The following FSTL5 variants were observed in gnomAD, a reference collection of about 807,000 sequenced individuals.
FSTL5 encodes the protein follistatin-related protein 5.
A neutral mutation model predicts 89.1 loss-of-function variants in FSTL5; 62 were observed. That is an observed-to-expected ratio of 0.70 (90% CI 0.57 to 0.86). The LOEUF (loss-of-function observed/expected upper bound fraction) is 0.86. Ranked by LOEUF, FSTL5 falls within the 40% of genes least tolerant of loss-of-function variation. The pLI, the probability that FSTL5 is intolerant of heterozygous loss-of-function variation, is 0.00. For missense variants in FSTL5, 1,057 were observed against 1,001.6 expected (o/e 1.06, Z -0.75); for synonymous variants, 383 against 346.2 (o/e 1.11, Z -1.18).
chr4:161,878,437 T>C (rs1477614783), intron 4 of FSTL5, among the ~76,000 whole-genome samples: 1 of 152,156 alleles, frequency 6.6e-6, no homozygotes, highest in Non-Finnish European at 1.5e-5. Context: ...ATTTCATCAA[T>C]TCTTTATTTG....
intron 6 of FSTL5, among the ~76,000 whole-genome samples, chr4:161,698,820 T>C (rs1310149895): frequency 6.6e-6 from 1 of 152,030 alleles, no homozygotes; most frequent in African/African-American, 2.4e-5. Flanking sequence ...CCTGGTGGTA[T>C]GTGCCTGTAA....
chr4:161,848,036 C>CAAA lies in FSTL5; in HGVS notation c.410-71965_410-71963dup, dbSNP rs139315536. ...GGGTGACAAGAGCAAGACTCCGTCT[C>CAAA]AAAAAAAAAAAAAAAAAAAAAAAAA... On this transcript the variant is annotated intron_variant, in intron 4 of 15. Coordinates refer to ENST00000306100, the MANE Select transcript of FSTL5 (RefSeq NM_020116.5). Among the ~76,000 whole-genome samples the CAAA allele has an allele frequency of 1.1e-3, 53 of 48,212 alleles. 9 individuals carry two copies. The highest frequency in any genetic ancestry group is 1.4e-3 in the Admixed American group (4 of 2,812). 31.6% of individuals were successfully genotyped at this position (48,212 alleles called of 152,430 possible). A position where few individuals can be genotyped will look rare whatever the true frequency, so the allele number is the denominator to read the frequency against.
chr4:161,985,332 T>C (rs1008393875), intron 3 of FSTL5, among the ~76,000 whole-genome samples: 16 of 152,168 alleles, frequency 1.1e-4, no homozygotes, highest in African/African-American at 3.6e-4. Context: ...TTAAAATATG[T>C]TAGTTATATC....
chr4:161,814,283 T>C (rs775434480), intron 4 of FSTL5, among the ~76,000 whole-genome samples: 11 of 152,098 alleles, frequency 7.2e-5, no homozygotes, highest in Non-Finnish European at 1.0e-4. Flanking sequence ...AAGCCTTGGG[T>C]CTCAGGTCAA....
At chr4:161,877,475 A>G (rs1333634590) in intron 4 of FSTL5, among the ~76,000 whole-genome samples, 1 of 151,706 alleles carries the variant, frequency 6.6e-6, no homozygotes, top group Non-Finnish European at 1.5e-5. Context: ...TTCCTATAAT[A>G]TACATTTAAA....
At chr4:161,459,925 G>A (rs1230168807) in intron 13 of FSTL5, among the ~76,000 whole-genome samples, 1 of 150,490 alleles carries the variant, frequency 6.6e-6, no homozygotes, top group Non-Finnish European at 1.5e-5. Context: ...ATGAAAATGT[G>A]TTTTTTTTGC....
intron 6 of FSTL5, among the ~76,000 whole-genome samples, chr4:161,692,076 C>A (rs1279753500): frequency 2.7e-5 from 4 of 149,838 alleles, no homozygotes; most frequent in Non-Finnish European, 5.9e-5. Context: ...GTTTTTTTTT[C>A]TTGACTAACT....
intron 10 of FSTL5, among the ~76,000 whole-genome samples, chr4:161,516,567 G>GTAAATTATATATTTTATATAA (rs74215925): frequency 1.8e-4 from 19 of 105,232 alleles, no homozygotes; most frequent in African/African-American, 6.8e-4. Flanking sequence ...ATTTCATATA[G>GTAAATTATATATTTTATATAA]TAAATTATAT....
chr4:161,682,705 G>A (rs1050686958), intron 6 of FSTL5, among the ~76,000 whole-genome samples: 9 of 151,796 alleles, frequency 5.9e-5, no homozygotes, highest in East Asian at 3.9e-4. Context: ...TGCCTTCTTC[G>A]ACCTGAAAGA....
intron 4 of FSTL5, among the ~76,000 whole-genome samples, chr4:161,805,067 G>T (rs953558198): frequency 1.3e-5 from 2 of 151,972 alleles, no homozygotes; most frequent in African/African-American, 4.8e-5. Context: ...CAATTCTGTA[G>T]GACCATCCCA....
intron 3 of FSTL5, among the ~76,000 whole-genome samples, chr4:161,925,662 T>C (rs891399040): frequency 4.6e-5 from 7 of 151,880 alleles, no homozygotes; most frequent in African/African-American, 1.7e-4. Context: ...ATTCCTGGCA[T>C]AGAGTATCTG....
chr4:161,677,967 A>T (rs939844411), intron 6 of FSTL5, among the ~76,000 whole-genome samples: 1 of 151,748 alleles, frequency 6.6e-6, no homozygotes, highest in Non-Finnish European at 1.5e-5. Context: ...TATATATTTT[A>T]TTTGTCAATT....
intron 3 of FSTL5, among the ~76,000 whole-genome samples, chr4:161,968,919 C>T (rs970286326): frequency 6.8e-6 from 1 of 146,548 alleles, no homozygotes; most frequent in South Asian, 2.2e-4. Context: ...GCTACTACCA[C>T]CCAAGACACA....
chr4:161,584,861 G>T (rs1183907350), intron 8 of FSTL5, among the ~76,000 whole-genome samples: 2 of 152,136 alleles, frequency 1.3e-5, no homozygotes, highest in Admixed American at 1.3e-4. Flanking sequence ...CAATTTAAAT[G>T]TTATGGGACA....
intron 1 of FSTL5, among the ~76,000 whole-genome samples, chr4:162,120,660 G>T (rs1257867886): frequency 6.6e-6 from 1 of 151,984 alleles, no homozygotes; most frequent in Non-Finnish European, 1.5e-5. Flanking sequence ...TTAAGTTGCA[G>T]TTATCACAAA....
intron 15 of FSTL5, among the ~76,000 whole-genome samples, chr4:161,417,442 T>A (rs1731828843): frequency 6.6e-6 from 1 of 152,238 alleles, no homozygotes; most frequent in South Asian, 2.1e-4. Context: ...TTTATAGAGT[T>A]GCTATTTTAT....
rs149798180 is a variant in FSTL5, at chr4:161,564,374, A to T, written c.1016-21681T>A. Among the ~76,000 whole-genome samples, 37 of 151,084 alleles carry T rather than the reference A, an allele frequency of 2.4e-4. No individual in the cohort carries two copies. In the East Asian group the frequency reaches 6.6e-3, roughly 27 times the overall value. ...AATTGTATTCCTATATATATATATA[A>T]AAGTGTTTTCTTAAGGAGAAACTGC... On this transcript the variant is annotated intron_variant, in intron 8 of 15. Transcript: ENST00000306100.
chr4:162,102,678 A>C lies in FSTL5; in HGVS notation c.126+8593T>G, dbSNP rs1019324414. On this transcript the variant is annotated intron_variant, in intron 2 of 15. Coordinates refer to ENST00000306100, the MANE Select transcript of FSTL5 (RefSeq NM_020116.5). ...ATATACATATATAAAAATATGTATA[A>C]CATATTTATATTTATATAATATTTA... Among the ~76,000 whole-genome samples the C allele has an allele frequency of 3.0e-4, 43 of 143,614 alleles. 1 individual carries two copies. The South Asian group carries it at 9.4e-3, about 32-fold the overall frequency. The allele number at this position is 143,614 out of a possible 152,430, so 94.2% of individuals were successfully genotyped here.
intron 4 of FSTL5, among the ~76,000 whole-genome samples, chr4:161,861,426 A>AAGAG (rs534971627): frequency 2.6e-5 from 4 of 151,736 alleles, no homozygotes; most frequent in Admixed American, 6.6e-5. Context: ...CAAAGAAAGA[A>AAGAG]AGAGAGAGAG....
Sources: gnomAD v4.1 joint callset for allele counts (sites outside exome capture counted in the v4.1 genomes callset) on GRCh38, gnomAD v4.1.1 for gene constraint, MANE v1.5 for transcripts, NCBI Gene and HGNC (gene_info 2026-07-23, HGNC 2026-07-21) for gene names.